The following TPX2 variants were observed in gnomAD, a reference collection of about 807,000 sequenced individuals.
TPX2 encodes the protein targeting protein for Xklp2.
TPX2 carries 21 observed loss-of-function variants against 93.6 expected under a neutral mutation model. That is an observed-to-expected ratio of 0.22 (90% CI 0.16 to 0.32). The LOEUF is 0.32. Ranked by LOEUF, TPX2 falls within the 10% of genes least tolerant of loss-of-function variation. The pLI is 1.00. For missense variants in TPX2, 776 were observed against 871.1 expected (o/e 0.89, Z 1.37); for synonymous variants, 281 against 298.3 (o/e 0.94, Z 0.60).
At chr20:31,754,122 CAG>C (rs916756927) in intron 2 of TPX2, among the ~76,000 whole-genome samples, 1 of 151,938 alleles carries the variant, frequency 6.6e-6, no homozygotes, top group Non-Finnish European at 1.5e-5. Context: ...TTTTTTGAGA[CAG>C]AGTCTCGCTC....
intron 4 of TPX2, among the ~76,000 whole-genome samples, chr20:31,765,567 T>C (rs770690381): frequency 6.6e-6 from 1 of 152,174 alleles, no homozygotes; most frequent in Non-Finnish European, 1.5e-5. Context: ...TGCCTCCGTC[T>C]TCCCAGTAGC....
At position 31,797,508 on chromosome 20, in the gene TPX2, A is replaced by C. The variant is rs1232709565; in HGVS notation, c.1938A>C (p.Ser646=). The part of the protein sequence containing the change: ...EPFVPKKEKK[S]VAEGLSGSLV... ...TTGTTCCCAAGAAAGAGAAGAAATCAGTTGCTGGTAGTATTATATGTACTC... is the reference window on the plus strand; with the variant it reads ...TTGTTCCCAAGAAAGAGAAGAAATCCGTTGCTGGTAGTATTATATGTACTC... Residue 646 remains serine (S), a synonymous_variant, in exon 16 of 18, where the codon TCA becomes TCC. Coordinates refer to ENST00000300403, the MANE Select transcript of TPX2 (RefSeq NM_012112.5). 1 of 1,613,856 alleles carries C rather than the reference A, an allele frequency of 6.2e-7. No homozygotes were observed. The highest frequency in any genetic ancestry group is 8.5e-7 in the Non-Finnish European group (1 of 1,179,826).
chr20:31,780,122 A>G (rs1293062648), intron 10 of TPX2, among the ~76,000 whole-genome samples: 2 of 151,868 alleles, frequency 1.3e-5, no homozygotes, highest in East Asian at 3.9e-4. Context: ...CGCGATCTCG[A>G]CTCACTGCAA....
chr20:31,781,410 C>T (rs1012809856), intron 10 of TPX2, among the ~76,000 whole-genome samples: 1 of 151,616 alleles, frequency 6.6e-6, no homozygotes, highest in Non-Finnish European at 1.5e-5. Context: ...AGACTACAGG[C>T]GCCTGCCACC....
intron 15 of TPX2, among the ~76,000 whole-genome samples, chr20:31,795,687 A>G (rs1568610942): frequency 6.6e-6 from 1 of 152,232 alleles, no homozygotes; most frequent in Non-Finnish European, 1.5e-5. Context: ...CTGTTGATGC[A>G]TTGGTAAGAA....
chr20:31,801,200 C>A lies in TPX2; in HGVS notation c.*120C>A. ...ACCCATTTCTCCAGACTTTTACCTA[C>A]CCGTGCCTGAGAAAGCATACTTGAC... On this transcript the variant is annotated 3_prime_UTR_variant, in exon 18 of 18. Transcript: ENST00000300403. The A allele has an allele frequency of 2.5e-6, 2 of 811,332 alleles. No individual in the cohort carries two copies. Among genetic ancestry groups the A allele is most frequent in the Non-Finnish European group, 4.0e-6 (2 of 500,874 alleles). 50.3% of individuals were successfully genotyped at this position (811,332 alleles called of 1,614,324 possible).
intron 13 of TPX2, among the ~76,000 whole-genome samples, 181 bp from the exon 14 acceptor site, chr20:31,793,667 C>G (rs577687139): frequency 6.6e-6 from 1 of 152,236 alleles, no homozygotes; most frequent in East Asian, 1.9e-4. Context: ...ATTGTGTTAG[C>G]CCTTGGTGGT....
chr20:31,781,770 C>G (rs1448646865), intron 10 of TPX2, among the ~76,000 whole-genome samples: 1 of 151,866 alleles, frequency 6.6e-6, no homozygotes, highest in African/African-American at 2.4e-5. Flanking sequence ...TAGTGAAACC[C>G]TGTCTCTACA....
rs141909545 is a variant in TPX2 at position 31,752,006 on chromosome 20, G to C, written c.-70-5401G>C. Among the ~76,000 whole-genome samples, 699 of 152,274 alleles carry C rather than the reference G, an allele frequency of 4.6e-3. 3 individuals are homozygous for C. The highest frequency in any genetic ancestry group is 0.012 in the African/African-American group (494 of 41,556). On this transcript the variant is annotated intron_variant, in intron 2 of 17. Transcript: ENST00000300403. ...GATCCGCCTGCCTTGGCCTTCCAAAGTGTTGGGATTACAGGTGTGAGCTAC... is the reference window on the plus strand; with the variant it reads ...GATCCGCCTGCCTTGGCCTTCCAAACTGTTGGGATTACAGGTGTGAGCTAC...
At chr20:31,760,363 G>A (rs1012535962) in intron 4 of TPX2, among the ~76,000 whole-genome samples, 184 bp downstream of exon 4, 5 of 151,786 alleles carry the variant, frequency 3.3e-5, no homozygotes, top group African/African-American at 1.2e-4. Context: ...AAATCTCTTG[G>A]AGCTTAAGCT....
chr20:31,768,945 G>C (rs2123019477), intron 5 of TPX2, among the ~76,000 whole-genome samples: 1 of 152,252 alleles, frequency 6.6e-6, no homozygotes, highest in African/African-American at 2.4e-5. Flanking sequence ...CCCATCAATA[G>C]TAGACTGAAT....
chr20:31,753,247 A>G (rs1340000236), intron 2 of TPX2, among the ~76,000 whole-genome samples: 1 of 152,246 alleles, frequency 6.6e-6, no homozygotes, highest in Non-Finnish European at 1.5e-5. Flanking sequence ...GGATGTAGAA[A>G]GAACATTGTG....
chr20:31,791,622 GT>G (rs2062102019), intron 12 of TPX2, among the ~76,000 whole-genome samples: 1 of 152,192 alleles, frequency 6.6e-6, no homozygotes, highest in South Asian at 2.1e-4. Context: ...GATCAAATGT[GT>G]TTTAGAGTAA....
At chr20:31,743,792 T>C (rs1416233970) in intron 2 of TPX2, among the ~76,000 whole-genome samples, 2 of 148,718 alleles carry the variant, frequency 1.3e-5, no homozygotes, top group Non-Finnish European at 3.0e-5. Flanking sequence ...AATGGTGCAA[T>C]CTCAGCTTAC....
In TPX2 at chr20:31,797,509, G is replaced by A; in HGVS notation, c.1939G>A (p.Val647Ile). Residue 647 changes from valine (V) to isoleucine (I), a missense_variant, in exon 16 of 18, where the codon GTT (valine) becomes ATT (isoleucine). This residue lies in a region of TPX2 where 461 missense variants were observed against 551.2 expected (regional missense o/e 0.84). Coordinates refer to ENST00000300403, the MANE Select transcript of TPX2 (RefSeq NM_012112.5). ...PFVPKKEKKS[V>I]AEGLSGSLVQ... Reference sequence around the variant, plus strand: ...TGTTCCCAAGAAAGAGAAGAAATCAGTTGCTGGTAGTATTATATGTACTCT... The same window carrying A: ...TGTTCCCAAGAAAGAGAAGAAATCAATTGCTGGTAGTATTATATGTACTCT... 1 of 1,613,824 alleles carries A rather than the reference G, an allele frequency of 6.2e-7. No homozygotes were observed. The highest frequency in any genetic ancestry group is 8.5e-7 in the Non-Finnish European group (1 of 1,179,814).
intron 2 of TPX2, among the ~76,000 whole-genome samples, chr20:31,744,362 A>T (rs193239335): frequency 6.7e-6 from 1 of 149,576 alleles, no homozygotes; most frequent in Non-Finnish European, 1.5e-5. Context: ...GTTTCACCAT[A>T]TTGGCCAGGC....
chr20:31,783,910 G>A lies in TPX2; in HGVS notation c.1402G>A (p.Glu468Lys). 6.2e-7 allele frequency: 1 copy of A among 1,613,266 alleles called. No individual in the cohort carries two copies. Among genetic ancestry groups the A allele is most frequent in the Middle Eastern group, 1.6e-4 (1 of 6,062 alleles). ...CAGACCTTGCCCTACTAAGATTTTG[G>A]AAGATGTTGTGGTAAGGTTGAGGCT... ...HSRPCPTKILEDVVGVPEKKV... is the reference protein window; with the variant it reads ...HSRPCPTKILKDVVGVPEKKV... Residue 468 changes from glutamate (E) to lysine (K), a missense_variant, in exon 12 of 18, where the codon GAA becomes AAA. Around this residue, in one of 3 missense-constraint regions of TPX2, gnomAD observed 461 missense variants for 551.2 expected, o/e 0.84. Transcript: ENST00000300403.
At chr20:31,757,634 C>A in intron 3 of TPX2, 52 bp downstream of exon 3, 1 of 1,426,276 alleles carries the variant, frequency 7.0e-7, no homozygotes, top group Non-Finnish European at 9.8e-7. Flanking sequence ...TTGCTTTGTG[C>A]TGAAGACCTT....
chr20:31,766,339 G>A (rs6087778), intron 4 of TPX2, among the ~76,000 whole-genome samples: 42,924 of 151,764 alleles, frequency 0.28, 7,433 homozygotes, highest in African/African-American at 0.48. Flanking sequence ...AGTACCTTAG[G>A]CTGGCAAATA....
Sources: allele counts gnomAD v4.1 joint callset (sites outside exome capture counted in the v4.1 genomes callset), GRCh38; gene constraint gnomAD v4.1.1; regional missense constraint gnomAD v4.1.1; transcripts MANE v1.5; gene names NCBI Gene and HGNC (gene_info 2026-07-23, HGNC 2026-07-21).